Variants in CCSER1 observed in about 807,000 individuals in gnomAD.
The protein encoded by CCSER1 is coiled-coil serine rich protein 1.
In CCSER1, 41 loss-of-function variants were observed where a neutral mutation model predicts 82.0. The observed-to-expected ratio is 0.50, with a 90% CI of 0.39 to 0.65. The LOEUF (loss-of-function observed/expected upper bound fraction) is 0.65, where lower values mean the gene tolerates loss of function less well. CCSER1 is among the 30% of genes least tolerant of loss of function. The probability of loss-of-function intolerance (pLI) is 0.00; values close to 1 mark genes in which losing one functional copy is unlikely to be tolerated. For synonymous variants in CCSER1, 414 were observed against 383.9 expected (o/e 1.08, Z -0.92); for missense variants, 1,119 against 1,064.2 (o/e 1.05, Z -0.72).
chr4:91,298,452 G>A (rs1018782089), intron 10 of CCSER1, among the ~76,000 whole-genome samples: 74 of 151,914 alleles, frequency 4.9e-4, no homozygotes, highest in African/African-American at 1.6e-3. Flanking sequence ...TTGGCCTTTT[G>A]CCTTCCTTTT....
chr4:90,553,463 T>A (rs900150373), intron 5 of CCSER1, among the ~76,000 whole-genome samples: 10 of 152,218 alleles, frequency 6.6e-5, no homozygotes, highest in African/African-American at 2.2e-4. Flanking sequence ...TATTTCCTGT[T>A]ACATGCATTT....
chr4:91,155,419 C>G (rs1036696203), intron 10 of CCSER1, among the ~76,000 whole-genome samples: 3 of 151,888 alleles, frequency 2.0e-5, no homozygotes, highest in African/African-American at 7.2e-5. Flanking sequence ...AACCTCTTTC[C>G]TTTATAAATT....
At chr4:91,540,225 A>G (rs1189584603) in intron 10 of CCSER1, among the ~76,000 whole-genome samples, 1 of 152,086 alleles carries the variant, frequency 6.6e-6, no homozygotes, top group Non-Finnish European at 1.5e-5. Flanking sequence ...ACCTACATTG[A>G]TGCATCCTTA....
intron 1 of CCSER1, among the ~76,000 whole-genome samples, chr4:90,202,833 C>T (rs992763459): frequency 2.6e-5 from 4 of 152,116 alleles, no homozygotes; most frequent in Admixed American, 6.6e-5. Context: ...ATGCATTTTT[C>T]GTGAACCACA....
chr4:90,736,517 A>G (rs1745671388), intron 7 of CCSER1, among the ~76,000 whole-genome samples: 1 of 152,052 alleles, frequency 6.6e-6, no homozygotes, highest in Non-Finnish European at 1.5e-5. Context: ...TGATATAAGT[A>G]TAGCTAGTCC....
chr4:90,248,093 C>T (rs1721768676), intron 1 of CCSER1, among the ~76,000 whole-genome samples: 4 of 151,978 alleles, frequency 2.6e-5, no homozygotes, highest in Admixed American at 2.6e-4. Context: ...ATATATTTAG[C>T]TATTTCTTTG....
At chr4:91,091,898 A>G (rs1031439152) in intron 10 of CCSER1, among the ~76,000 whole-genome samples, 40 of 152,310 alleles carry the variant, frequency 2.6e-4, no homozygotes, top group African/African-American at 9.4e-4. Context: ...CATTTACCCA[A>G]GTTGAGATTG....
intron 5 of CCSER1, among the ~76,000 whole-genome samples, chr4:90,617,240 T>C (rs956340972): frequency 1.5e-4 from 23 of 152,286 alleles, no homozygotes; most frequent in African/African-American, 5.5e-4. Flanking sequence ...AATTATTTTT[T>C]TTTCTGTTAT....
At chr4:91,345,871 C>T (rs1390885316) in intron 10 of CCSER1, among the ~76,000 whole-genome samples, 1 of 152,140 alleles carries the variant, frequency 6.6e-6, no homozygotes, top group African/African-American at 2.4e-5. Flanking sequence ...TCCTGGCAAC[C>T]ACTGATCTTT....
At chr4:90,409,686 T>G (rs575045982) in intron 4 of CCSER1, among the ~76,000 whole-genome samples, 15 of 152,010 alleles carry the variant, frequency 9.9e-5, no homozygotes, top group South Asian at 6.3e-4. Context: ...ATGCTAAATT[T>G]TAAAGACCAT....
chr4:90,742,900 A>G (rs1466390151), intron 7 of CCSER1, among the ~76,000 whole-genome samples: 1 of 152,194 alleles, frequency 6.6e-6, no homozygotes, highest in Non-Finnish European at 1.5e-5. Context: ...AGCCATGCTG[A>G]CAGATGCAAT....
At chr4:91,335,820 G>A (rs1747284986) in intron 10 of CCSER1, among the ~76,000 whole-genome samples, 1 of 151,930 alleles carries the variant, frequency 6.6e-6, no homozygotes, top group African/African-American at 2.4e-5. Flanking sequence ...TTTTTTTAGA[G>A]TTAGAGACAA....
intron 6 of CCSER1, among the ~76,000 whole-genome samples, chr4:90,691,551 A>G (rs920145382): frequency 7.5e-6 from 1 of 132,478 alleles, no homozygotes; most frequent in Non-Finnish European, 1.7e-5. Flanking sequence ...ATGTGTACAT[A>G]TCACATGTGT....
intron 6 of CCSER1, among the ~76,000 whole-genome samples, chr4:90,700,204 C>T (rs1393289444): frequency 2.6e-5 from 4 of 151,992 alleles, no homozygotes; most frequent in Non-Finnish European, 5.9e-5. Flanking sequence ...GTTCTCATTG[C>T]TCAATTCCCA....
At chr4:91,302,917 CG>C (rs1744781687) in intron 10 of CCSER1, among the ~76,000 whole-genome samples, 1 of 151,530 alleles carries the variant, frequency 6.6e-6, no homozygotes, top group Non-Finnish European at 1.5e-5. Context: ...TAATTTTTGA[CG>C]TTTTGCCCTA....
At chr4:91,493,227 TTC>T (rs1347602022) in intron 10 of CCSER1, among the ~76,000 whole-genome samples, 2 of 150,774 alleles carry the variant, frequency 1.3e-5, no homozygotes, top group Admixed American at 6.6e-5. Context: ...TACACACATA[TTC>T]TCTCTCTATA....
intron 4 of CCSER1, among the ~76,000 whole-genome samples, chr4:90,439,780 A>T (rs1344350017): frequency 2.6e-5 from 4 of 152,206 alleles, no homozygotes; most frequent in African/African-American, 9.6e-5. Context: ...TTGTGTTCAC[A>T]GGAATGAGTT....
intron 5 of CCSER1, among the ~76,000 whole-genome samples, chr4:90,592,585 A>G (rs1348055135): frequency 6.6e-6 from 1 of 152,134 alleles, no homozygotes; most frequent in African/African-American, 2.4e-5. Context: ...TTTTAATCTT[A>G]ATATTTCTAA....
intron 3 of CCSER1, among the ~76,000 whole-genome samples, chr4:90,324,179 A>C (rs1308423140): frequency 6.6e-6 from 1 of 152,200 alleles, no homozygotes; most frequent in African/African-American, 2.4e-5. Flanking sequence ...CTTTGGGTAT[A>C]TACCCAGTAA....
Sources: gnomAD v4.1 joint callset for allele counts (sites outside exome capture counted in the v4.1 genomes callset) on GRCh38, gnomAD v4.1.1 for gene constraint, MANE v1.5 for transcripts, NCBI Gene and HGNC (gene_info 2026-07-23, HGNC 2026-07-21) for gene names.